ARCN1: variants seen among roughly 807,000 people sequenced by gnomAD.
ARCN1 encodes the protein archain 1 coat protein complex I subunit delta.
A neutral mutation model predicts 60.4 loss-of-function variants in ARCN1; 5 were observed. The observed-to-expected ratio is 0.08, with a 90% CI of 0.04 to 0.17. The LOEUF (loss-of-function observed/expected upper bound fraction) is 0.17, where lower values mean the gene tolerates loss of function less well. ARCN1 is among the 10% of genes least tolerant of loss of function. The probability of loss-of-function intolerance (pLI) is 1.00; values close to 1 mark genes in which losing one functional copy is unlikely to be tolerated. For synonymous variants in ARCN1, 224 were observed against 220.0 expected, an observed-to-expected ratio of 1.02 and a Z score of -0.16; for missense variants, 464 against 626.5, an observed-to-expected ratio of 0.74 and a Z score of 2.77.
At chr11:118,589,163 T>C (rs1938841343) in intron 5 of ARCN1, among the ~76,000 whole-genome samples, 1 of 152,188 alleles carries the variant, frequency 6.6e-6, no homozygotes, top group South Asian at 2.1e-4. Context: ...CCGTGTTGTA[T>C]ATAATCTGCT....
chr11:118,601,932 A>G lies in ARCN1; in HGVS notation c.*1218A>G, dbSNP rs1346137013. 1 of 574,436 alleles carries G rather than the reference A, an allele frequency of 1.7e-6. No individual in the cohort carries two copies. The highest frequency in any genetic ancestry group is 2.9e-5 in the East Asian group (1 of 34,458). 35.6% of individuals were successfully genotyped at this position (574,436 alleles called of 1,614,324 possible). A position where few individuals can be genotyped will look rare whatever the true frequency, so the allele number is the denominator to read the frequency against. On this transcript the variant is annotated 3_prime_UTR_variant, in exon 10 of 10. Transcript: ENST00000264028. ...TTTTGGGTACTTAAGCTAAAACGTA[A>G]TGGCCACAGTCTGTAATCCATTCAC... is the stretch of plus-strand genomic sequence containing the variant.
chr11:118,601,824 G>T lies in ARCN1; in HGVS notation c.*1110G>T. On this transcript the variant is annotated 3_prime_UTR_variant, in exon 10 of 10. Coordinates refer to ENST00000264028, the MANE Select transcript of ARCN1 (RefSeq NM_001655.5). The stretch of plus-strand genomic sequence containing the variant: ...CCTCTTCAAGATGTCTAAAAGAATG[G>T]TTATGTCTGTCCAGTTAGGGATTTC... 1.5e-6 allele frequency: 1 copy of T among 664,982 alleles called. No homozygotes were observed. Among genetic ancestry groups the T allele is most frequent in the Non-Finnish European group, 2.7e-6 (1 of 363,890 alleles). The allele number at this position is 664,982 out of a possible 1,614,324, so 41.2% of individuals were successfully genotyped here.
Position 118,584,628 on chromosome 11 carries a change from C to T in ARCN1, c.802C>T (p.Pro268Ser). Residue 268 changes from proline (P) to serine (S), a missense_variant, in exon 5 of 10, where the codon CCC becomes TCC. Coordinates refer to ENST00000264028, the MANE Select transcript of ARCN1 (RefSeq NM_001655.5). ...TSEATKMHAP[P>S]INMESVHMKI... ...TGAAGCAACCAAAATGCATGCTCCACCCATTAATATGGAAAGGTAAGTAGG... is the reference window on the plus strand; with the variant it reads ...TGAAGCAACCAAAATGCATGCTCCATCCATTAATATGGAAAGGTAAGTAGG... 4.4e-6 allele frequency: 7 copies of T among 1,605,638 alleles called. No individual in the cohort carries two copies. Among genetic ancestry groups the T allele is most frequent in the South Asian group, 1.1e-5 (1 of 88,956 alleles).
rs1454919240 is a variant in ARCN1 at position 118,584,161 on chromosome 11, A to T, written c.653+147A>T. On this transcript the variant is annotated intron_variant, in intron 4 of 9. Coordinates refer to ENST00000264028, the MANE Select transcript of ARCN1 (RefSeq NM_001655.5). ...GTTACATTTGGCCACATACAATATG[A>T]GGATAAAGAAGAAATCTGAATGTGG... The T allele has an allele frequency of 6.1e-6, 5 of 823,480 alleles. No individual in the cohort carries two copies. The African/African-American group carries it at 6.9e-5, about 11-fold the overall frequency. 51.0% of individuals were successfully genotyped at this position (823,480 alleles called of 1,614,324 possible).
At chr11:118,593,261 C>T (rs1555076605) in intron 7 of ARCN1, among the ~76,000 whole-genome samples, 2 of 151,498 alleles carry the variant, frequency 1.3e-5, no homozygotes, top group South Asian at 2.1e-4. Context: ...CACAAACTCC[C>T]TCTGTCACCC....
At chr11:118,574,503 T>C (rs1283869600) in intron 1 of ARCN1, among the ~76,000 whole-genome samples, 2 of 152,124 alleles carry the variant, frequency 1.3e-5, no homozygotes, top group Non-Finnish European at 2.9e-5. Flanking sequence ...AACATTTCAC[T>C]ATATTTTATC....
intron 2 of ARCN1, 140 bp from the exon 3 acceptor site, chr11:118,583,039 C>A: frequency 9.9e-7 from 1 of 1,012,314 alleles, no homozygotes; most frequent in Non-Finnish European, 1.4e-6. Context: ...AGACTCTGTC[C>A]CAAAAAATAA....
chr11:118,597,815 G>T lies in ARCN1; in HGVS notation c.1350G>T (p.Lys450Asn). 1.2e-6 allele frequency: 2 copies of T among 1,614,176 alleles called. No individual in the cohort carries two copies. The highest frequency in any genetic ancestry group is 2.2e-5 in the South Asian group (2 of 91,086). ...TGCCTGTGATTGATGCCAAAAATAA[G>T]AGTGGCAGCCTGGAGTTTAGCATTG... ...WCLPVIDAKN[K>N]SGSLEFSIAG... Residue 450 changes from lysine (K) to asparagine (N), a missense_variant, in exon 9 of 10, where the codon AAG becomes AAT. Lys to Asn is a moderately conservative substitution (Grantham distance 94). Around this residue, in one of 2 missense-constraint regions of ARCN1, gnomAD observed 359 missense variants for 440.2 expected, o/e 0.82. Transcript: ENST00000264028.
At chr11:118,573,737 A>T in intron 1 of ARCN1, 1 of 688,508 alleles carries the variant, frequency 1.5e-6, no homozygotes, top group South Asian at 1.5e-5. Flanking sequence ...AATGGGGGGA[A>T]TTCATGCTTG....
intron 2 of ARCN1, among the ~76,000 whole-genome samples, chr11:118,582,725 TAA>T (rs1206435516): frequency 4.7e-4 from 47 of 100,820 alleles, no homozygotes; most frequent in Middle Eastern, 7.8e-3. Context: ...GACTTTGTCT[TAA>T]AAAAAAAAAA....
At chr11:118,586,765 T>A (rs1361334303) in intron 5 of ARCN1, among the ~76,000 whole-genome samples, 1 of 151,462 alleles carries the variant, frequency 6.6e-6, no homozygotes, top group Admixed American at 6.6e-5. Flanking sequence ...GGCAGGAGAA[T>A]TGCTTGAACC....
At chr11:118,590,739 G>A (rs1023820328) in intron 6 of ARCN1, among the ~76,000 whole-genome samples, 29 of 152,160 alleles carry the variant, frequency 1.9e-4, no homozygotes, top group Admixed American at 1.3e-3. Context: ...AGGTCATTTC[G>A]AAATCTAATA....
chr11:118,576,811 C>T (rs1555073746), intron 1 of ARCN1, among the ~76,000 whole-genome samples: 1 of 152,098 alleles, frequency 6.6e-6, no homozygotes, highest in Non-Finnish European at 1.5e-5. Context: ...CCTTGTTTTG[C>T]TTGTATCTGG....
chr11:118,587,477 G>A (rs1292110105), intron 5 of ARCN1, among the ~76,000 whole-genome samples: 1 of 152,094 alleles, frequency 6.6e-6, no homozygotes. Context: ...CTCCTTATTT[G>A]AAACTGCAGA....
Position 118,584,508 on chromosome 11 carries a change from C to G in ARCN1, c.682C>G (p.Leu228Val). The change falls in exon 5 of 10, where the codon CTT becomes GTT. Residue 228 changes from leucine (L) to valine (V), a missense_variant. Coordinates refer to ENST00000264028, the MANE Select transcript of ARCN1 (RefSeq NM_001655.5). ...RPSGPSKALK[L>V]GAKGKEVDNF... ...TTCAGGCCCCAGCAAGGCTTTAAAA[C>G]TTGGAGCCAAAGGAAAGGAAGTAGA... 1 of 1,612,678 alleles carries G rather than the reference C, an allele frequency of 6.2e-7. No homozygotes were observed. The highest frequency in any genetic ancestry group is 1.1e-5 in the South Asian group (1 of 90,544).
chr11:118,584,027 G>A lies in ARCN1; in HGVS notation c.653+13G>A. Reference sequence around the variant, plus strand: ...CTGCACCAGCCAGGTATAATCCAGTGTACTTTAGAATACCAGGTGAAGGGT... The same window carrying A: ...CTGCACCAGCCAGGTATAATCCAGTATACTTTAGAATACCAGGTGAAGGGT... On this transcript the variant is annotated intron_variant, in intron 4 of 9. Transcript: ENST00000264028. The A allele has an allele frequency of 6.2e-7, 1 of 1,612,580 alleles. No homozygotes were observed. The highest frequency in any genetic ancestry group is 1.1e-5 in the South Asian group (1 of 91,006).
chr11:118,589,149 A>G (rs1555075894), intron 5 of ARCN1, among the ~76,000 whole-genome samples: 1 of 152,226 alleles, frequency 6.6e-6, no homozygotes, highest in African/African-American at 2.4e-5. Context: ...TTAGGGGTAA[A>G]GTGCCGTGTT....
At chr11:118,590,192 T>A (rs1591388237) in intron 5 of ARCN1, 149 bp from the exon 6 acceptor site, 1 of 504,006 alleles carries the variant, frequency 2.0e-6, no homozygotes, top group Non-Finnish European at 3.5e-6. Context: ...ACGGGGTTTC[T>A]CCATGTTGGT....
chr11:118,581,522 C>T lies in ARCN1; in HGVS notation c.267+13C>T, dbSNP rs1938648984. 1 of 1,585,230 alleles carries T rather than the reference C, an allele frequency of 6.3e-7. No homozygotes were observed. Among genetic ancestry groups the T allele is most frequent in the Non-Finnish European group, 8.6e-7 (1 of 1,165,798 alleles). ...CTTCTCAAGAGTGGTAAGAGTACTGCTATAATACTGGGTTCCACTTTTTGT... is the reference window on the plus strand; with the variant it reads ...CTTCTCAAGAGTGGTAAGAGTACTGTTATAATACTGGGTTCCACTTTTTGT... On this transcript the variant is annotated intron_variant, in intron 2 of 9. Coordinates refer to ENST00000264028, the MANE Select transcript of ARCN1 (RefSeq NM_001655.5).
Sources: gnomAD v4.1 joint callset for allele counts (sites outside exome capture counted in the v4.1 genomes callset) on GRCh38, gnomAD v4.1.1 for gene constraint, gnomAD v4.1.1 regional missense constraint, MANE v1.5 for transcripts, NCBI Gene and HGNC (gene_info 2026-07-23, HGNC 2026-07-21) for gene names.